Variants in DACH2 observed in about 807,000 individuals in gnomAD.
DACH2 encodes dachshund homolog 2.
A neutral mutation model predicts 35.8 loss-of-function variants in DACH2; 17 were observed. The ratio of observed to expected loss-of-function variants is 0.48; its 90% CI spans 0.33 to 0.71. The LOEUF (loss-of-function observed/expected upper bound fraction) is 0.71. Among genes scored for constraint, DACH2 ranks in the 30% least tolerant of loss-of-function variants. The pLI, the probability that DACH2 is intolerant of heterozygous loss-of-function variation, is 0.02. For missense variants in DACH2, 469 were observed against 472.7 expected, an observed-to-expected ratio of 0.99 and a Z score of 0.07; for synonymous variants, 195 against 177.3, an observed-to-expected ratio of 1.10 and a Z score of -0.79.
At chrX:86,339,616 C>A (rs975788484) in intron 1 of DACH2, among the ~76,000 whole-genome samples, 1 of 111,506 alleles carries the variant, frequency 9.0e-6, no homozygotes, top group Non-Finnish European at 1.9e-5. Context: ...CTCAAGGTCA[C>A]ATAGCTAATA....
chrX:86,468,425 T>C (rs972548269), intron 2 of DACH2, among the ~76,000 whole-genome samples: 2 of 111,198 alleles, frequency 1.8e-5, no homozygotes, highest in African/African-American at 6.5e-5. Flanking sequence ...TGGTATACCA[T>C]CTATCATTGG....
At chrX:86,402,981 T>A (rs1459814206) in intron 2 of DACH2, among the ~76,000 whole-genome samples, 1 of 112,153 alleles carries the variant, frequency 8.9e-6, no homozygotes, top group Non-Finnish European at 1.9e-5. Context: ...GCTAGCCATA[T>A]GTAGAAGGAT....
intron 1 of DACH2, among the ~76,000 whole-genome samples, chrX:86,165,658 C>T (rs2030919983): frequency 9.0e-6 from 1 of 110,742 alleles, no homozygotes; most frequent in African/African-American, 3.3e-5. Flanking sequence ...AAATCTTTTT[C>T]TTATTTTTTT....
intron 1 of DACH2, among the ~76,000 whole-genome samples, chrX:86,270,656 A>T (rs1243364312): frequency 8.9e-6 from 1 of 112,074 alleles, no homozygotes; most frequent in Non-Finnish European, 1.9e-5. Flanking sequence ...AAAACCTTCC[A>T]CCCTTTATAT....
chrX:86,350,298 G>A (rs1168577001), intron 1 of DACH2, among the ~76,000 whole-genome samples: 1 of 29,214 alleles, frequency 3.4e-5, no homozygotes, highest in Non-Finnish European at 5.4e-5. Flanking sequence ...AGTAGGATGC[G>A]AAAATTTTCT....
At chrX:86,534,073 T>C (rs2038762046) in intron 3 of DACH2, among the ~76,000 whole-genome samples, 1 of 112,475 alleles carries the variant, frequency 8.9e-6, no homozygotes, top group Non-Finnish European at 1.9e-5. Flanking sequence ...ATTAATTTAC[T>C]AGCAAATTCC....
intron 11 of DACH2, chrX:86,828,915 T>C (rs2042586650): frequency 9.0e-6 from 1 of 111,594 alleles, no homozygotes; most frequent in Non-Finnish European, 1.9e-5. Flanking sequence ...ATATAATCCA[T>C]TGTGTTGTTT....
intron 1 of DACH2, among the ~76,000 whole-genome samples, chrX:86,170,049 C>T (rs242850): frequency 0.15 from 16,617 of 111,178 alleles, 1,405 homozygotes; most frequent in African/African-American, 0.31. Flanking sequence ...GCTTCAAGGG[C>T]ACCCCAAGTC....
chrX:86,733,571 T>G (rs1357805967), intron 6 of DACH2, among the ~76,000 whole-genome samples: 1 of 112,071 alleles, frequency 8.9e-6, no homozygotes, highest in Non-Finnish European at 1.9e-5. Context: ...GTAAAATACC[T>G]TACTGGTATG....
intron 1 of DACH2, among the ~76,000 whole-genome samples, chrX:86,149,707 G>A (rs2030294585): frequency 1.8e-5 from 2 of 112,549 alleles, no homozygotes; most frequent in African/African-American, 6.4e-5. Context: ...GCAAGTGCGC[G>A]TGAGAACGTA....
At chrX:86,555,414 C>G (rs1026107542) in intron 3 of DACH2, among the ~76,000 whole-genome samples, 2 of 111,308 alleles carry the variant, frequency 1.8e-5, no homozygotes, top group Non-Finnish European at 3.8e-5. Flanking sequence ...GCTATGTACG[C>G]TATCAGATGT....
intron 2 of DACH2, among the ~76,000 whole-genome samples, chrX:86,479,849 T>G (rs375811582): frequency 8.9e-6 from 1 of 112,669 alleles, no homozygotes; most frequent in East Asian, 2.8e-4. Context: ...TTTGTTAAAT[T>G]TATCTGATAA....
intron 3 of DACH2, among the ~76,000 whole-genome samples, chrX:86,551,147 A>G (rs1392070087): frequency 8.9e-6 from 1 of 111,789 alleles, no homozygotes; most frequent in Non-Finnish European, 1.9e-5. Flanking sequence ...CTATTATTAG[A>G]TTAACTTCAT....
intron 6 of DACH2, among the ~76,000 whole-genome samples, chrX:86,720,137 CTG>C (rs1365340095): frequency 9.3e-6 from 1 of 108,019 alleles, no homozygotes; most frequent in African/African-American, 3.4e-5. Context: ...CGGGGTTTCA[CTG>C]TGTTAGCCAG....
At chrX:86,408,268 G>T (rs1441126090) in intron 2 of DACH2, among the ~76,000 whole-genome samples, 2 of 111,560 alleles carry the variant, frequency 1.8e-5, no homozygotes, top group Non-Finnish European at 3.8e-5. Flanking sequence ...GCCAGAGATT[G>T]TATTAGACAT....
chrX:86,590,505 A>C (rs762109047), intron 3 of DACH2, among the ~76,000 whole-genome samples: 10 of 112,165 alleles, frequency 8.9e-5, no homozygotes, highest in Admixed American at 3.8e-4. Flanking sequence ...TTTAGTAATT[A>C]TCAATGAAGC....
At chrX:86,218,254 A>G (rs1159069670) in intron 1 of DACH2, among the ~76,000 whole-genome samples, 1 of 111,869 alleles carries the variant, frequency 8.9e-6, no homozygotes, top group Non-Finnish European at 1.9e-5. Context: ...AAATTTGGAA[A>G]GTTACTTAAG....
intron 2 of DACH2, among the ~76,000 whole-genome samples, chrX:86,379,516 A>G (rs1223002249): frequency 9.0e-6 from 1 of 110,815 alleles, no homozygotes; most frequent in Non-Finnish European, 1.9e-5. Flanking sequence ...GAAAGAAAGA[A>G]AAAGAGAAAG....
At chrX:86,175,940 A>G (rs771932942) in intron 1 of DACH2, among the ~76,000 whole-genome samples, 3 of 111,821 alleles carry the variant, frequency 2.7e-5, no homozygotes, top group Non-Finnish European at 3.8e-5. Flanking sequence ...AAACTTTAGT[A>G]TGATTGCCAG....
Sources: allele counts gnomAD v4.1 joint callset (sites outside exome capture counted in the v4.1 genomes callset), GRCh38; gene constraint gnomAD v4.1.1; transcripts MANE v1.5; gene names NCBI Gene and HGNC (gene_info 2026-07-23, HGNC 2026-07-21).